Variants in STK39 observed in about 807,000 individuals in gnomAD.
STK39 encodes serine/threonine kinase 39, also known as STE20/SPS1-related proline-alanine-rich protein kinase.
A neutral mutation model predicts 77.8 loss-of-function variants in STK39; 20 were observed. That is an observed-to-expected ratio of 0.26 (90% CI 0.18 to 0.37). STK39 has a LOEUF of 0.37. Among genes scored for constraint, STK39 ranks in the 10% least tolerant of loss-of-function variants. STK39 has a pLI of 1.00. For missense variants in STK39, 479 were observed against 656.5 expected, an observed-to-expected ratio of 0.73 and a Z score of 2.95; for synonymous variants, 246 against 234.1, an observed-to-expected ratio of 1.05 and a Z score of -0.47.
intron 1 of STK39, among the ~76,000 whole-genome samples, chr2:168,234,774 C>CA (rs933976056): frequency 6.6e-6 from 1 of 152,038 alleles, no homozygotes; most frequent in African/African-American, 2.4e-5. Context: ...AAATAAAAAT[C>CA]ATTTTAATGC....
chr2:168,184,693 C>A (rs1689165194), intron 1 of STK39, among the ~76,000 whole-genome samples: 1 of 152,164 alleles, frequency 6.6e-6, no homozygotes, highest in Non-Finnish European at 1.5e-5. Context: ...CAGTGAGGAT[C>A]CACTGGTCAC....
chr2:168,153,453 G>A (rs745574583), intron 5 of STK39, among the ~76,000 whole-genome samples: 4 of 152,142 alleles, frequency 2.6e-5, no homozygotes, highest in African/African-American at 4.8e-5. Context: ...ACAGATTGCT[G>A]GGCCCTACCT....
intron 1 of STK39, among the ~76,000 whole-genome samples, chr2:168,206,642 C>A (rs922483141): frequency 2.6e-5 from 4 of 152,136 alleles, no homozygotes; most frequent in African/African-American, 9.7e-5. Context: ...TTGGGCAGAT[C>A]ACATAATCCC....
At chr2:168,120,653 A>G (rs991768227) in intron 10 of STK39, among the ~76,000 whole-genome samples, 3 of 152,182 alleles carry the variant, frequency 2.0e-5, no homozygotes, top group African/African-American at 7.2e-5. Flanking sequence ...ATAGTAATAA[A>G]AGCAATATAT....
intron 14 of STK39, among the ~76,000 whole-genome samples, chr2:168,034,508 A>AT (rs942408067): frequency 2.6e-5 from 4 of 152,218 alleles, no homozygotes; most frequent in Admixed American, 2.0e-4. Flanking sequence ...AAAAGCACCC[A>AT]TTTTGCCAGT....
intron 1 of STK39, among the ~76,000 whole-genome samples, chr2:168,194,163 C>T (rs973409278): frequency 1.3e-5 from 2 of 152,170 alleles, no homozygotes; most frequent in South Asian, 4.1e-4. Context: ...CCTGTAATCC[C>T]AGCACTTTGG....
chr2:168,051,994 T>TC (rs1685409571), intron 14 of STK39, among the ~76,000 whole-genome samples: 1 of 143,022 alleles, frequency 7.0e-6, no homozygotes, highest in Admixed American at 7.0e-5. Flanking sequence ...GAGGAAGACT[T>TC]TTTTTTTTTT....
At chr2:168,092,376 CT>C (rs1327061989) in intron 10 of STK39, among the ~76,000 whole-genome samples, 1 of 152,208 alleles carries the variant, frequency 6.6e-6, no homozygotes, top group Non-Finnish European at 1.5e-5. Context: ...TAAATTCTAT[CT>C]TGTTAATTCA....
At chr2:167,960,177 C>A (rs1250388640) in intron 17 of STK39, among the ~76,000 whole-genome samples, 1 of 152,174 alleles carries the variant, frequency 6.6e-6, no homozygotes, top group Non-Finnish European at 1.5e-5. Flanking sequence ...AAGAAGAAAG[C>A]TATTCTGATC....
intron 8 of STK39, among the ~76,000 whole-genome samples, chr2:168,130,918 A>G (rs1687679121): frequency 6.6e-6 from 1 of 152,170 alleles, no homozygotes; most frequent in Non-Finnish European, 1.5e-5. Flanking sequence ...AGACTTTACA[A>G]AACATTAAAA....
Position 168,086,112 on chromosome 2 carries a change from G to A in STK39, c.1090-10881C>T, listed in dbSNP as rs988881536. Among the ~76,000 whole-genome samples the A allele has an allele frequency of 2.0e-5, 3 of 152,170 alleles. No homozygotes were observed. In the South Asian group the frequency reaches 6.2e-4, roughly 32 times the overall value. On this transcript the variant is annotated intron_variant, in intron 10 of 17. Coordinates refer to ENST00000355999, the MANE Select transcript of STK39 (RefSeq NM_013233.3). ...TCAGCCATTTGGTCTAGGGTGATGTGTTGCACAGAAATGGATGATCAGGAT... is the reference window on the plus strand; with the variant it reads ...TCAGCCATTTGGTCTAGGGTGATGTATTGCACAGAAATGGATGATCAGGAT...
At chr2:168,163,052 T>G (rs1413564323) in intron 4 of STK39, among the ~76,000 whole-genome samples, 2 of 151,250 alleles carry the variant, frequency 1.3e-5, no homozygotes, top group African/African-American at 4.9e-5. Context: ...AAGAAAAATA[T>G]AGTAGAAATA....
At chr2:168,245,195 C>T (rs933621398) in intron 1 of STK39, among the ~76,000 whole-genome samples, 7 of 152,180 alleles carry the variant, frequency 4.6e-5, no homozygotes, top group African/African-American at 1.7e-4. Context: ...TAATTAAGCA[C>T]CTTACAAACT....
chr2:168,126,523 A>G (rs1031833758), intron 10 of STK39, among the ~76,000 whole-genome samples: 2 of 152,212 alleles, frequency 1.3e-5, no homozygotes, highest in Non-Finnish European at 1.5e-5. Context: ...AAGGATGATC[A>G]TGGTTGTTTA....
chr2:168,172,208 C>T (rs1295580868), intron 2 of STK39, among the ~76,000 whole-genome samples: 1 of 152,198 alleles, frequency 6.6e-6, no homozygotes, highest in Non-Finnish European at 1.5e-5. Context: ...TCAGTTTCTT[C>T]GTTGCGTGTG....
intron 5 of STK39, among the ~76,000 whole-genome samples, chr2:168,144,601 G>A (rs548345205): frequency 3.3e-5 from 5 of 151,784 alleles, no homozygotes; most frequent in African/African-American, 9.7e-5. Context: ...CCACCATGCC[G>A]AGCCTCAATT....
chr2:168,014,991 G>GGGT (rs1684369624), intron 15 of STK39, among the ~76,000 whole-genome samples: 1 of 152,216 alleles, frequency 6.6e-6, no homozygotes, highest in African/African-American at 2.4e-5. Flanking sequence ...ATGGCAAACA[G>GGGT]GTACCGCTGG....
intron 4 of STK39, 94 bp from the exon 5 acceptor site, chr2:168,161,936 C>T: frequency 1.2e-6 from 1 of 829,438 alleles, no homozygotes; most frequent in South Asian, 1.8e-5. Context: ...TCATACAACG[C>T]AGCTCTTTGA....
chr2:168,090,391 C>G (rs58270031), intron 10 of STK39, among the ~76,000 whole-genome samples: 3,448 of 152,296 alleles, frequency 0.023, 125 homozygotes, highest in African/African-American at 0.079. Flanking sequence ...CCCATCTTCC[C>G]TCATGCTTTC....
Sources: allele counts gnomAD v4.1 joint callset (sites outside exome capture counted in the v4.1 genomes callset), GRCh38; gene constraint gnomAD v4.1.1; transcripts MANE v1.5; gene names NCBI Gene and HGNC (gene_info 2026-07-23, HGNC 2026-07-21).